Variants in RBMS3 observed in about 807,000 individuals in gnomAD.
RBMS3 encodes the protein RNA binding motif single stranded interacting protein 3.
RBMS3 carries 27 observed loss-of-function variants against 66.8 expected under a neutral mutation model. That is an observed-to-expected ratio of 0.40 (90% CI 0.30 to 0.56). The LOEUF is 0.56. Ranked by LOEUF, RBMS3 falls within the 20% of genes least tolerant of loss-of-function variation. The probability of loss-of-function intolerance (pLI) is 0.40; values close to 1 mark genes in which losing one functional copy is unlikely to be tolerated. For synonymous variants in RBMS3, 188 were observed against 183.0 expected (o/e 1.03, Z -0.22); for missense variants, 513 against 549.5 (o/e 0.93, Z 0.66).
chr3:29,777,921 T>A (rs2056483225), intron 6 of RBMS3, among the ~76,000 whole-genome samples: 1 of 151,900 alleles, frequency 6.6e-6, no homozygotes, highest in Admixed American at 6.6e-5. Flanking sequence ...TAGTGGCCTG[T>A]GCCACCAGGA....
intron 6 of RBMS3, among the ~76,000 whole-genome samples, chr3:29,816,683 A>AT (rs1422006983): frequency 1.3e-5 from 2 of 152,130 alleles, no homozygotes; most frequent in African/African-American, 4.8e-5. Context: ...ACATTTTTGC[A>AT]TAAAAAGTGA....
chr3:29,737,104 G>A (rs1334658946), intron 4 of RBMS3, among the ~76,000 whole-genome samples: 1 of 151,916 alleles, frequency 6.6e-6, no homozygotes, highest in Non-Finnish European at 1.5e-5. Flanking sequence ...AGCCTCCCGA[G>A]TAGCTGGGAC....
chr3:29,720,540 A>G (rs1256636045), intron 4 of RBMS3, among the ~76,000 whole-genome samples: 1 of 152,170 alleles, frequency 6.6e-6, no homozygotes, highest in Non-Finnish European at 1.5e-5. Context: ...GTTTATATAT[A>G]TAAACATATA....
At chr3:29,999,906 A>G (rs948567676) in intron 14 of RBMS3, among the ~76,000 whole-genome samples, 2 of 151,880 alleles carry the variant, frequency 1.3e-5, no homozygotes, top group Non-Finnish European at 2.9e-5. Context: ...CTTAAAGTAT[A>G]ATAATAATAA....
intron 1 of RBMS3, among the ~76,000 whole-genome samples, chr3:29,357,561 C>T (rs1357461105): frequency 6.6e-6 from 1 of 152,088 alleles, no homozygotes; most frequent in Non-Finnish European, 1.5e-5. Flanking sequence ...TGGGTATATA[C>T]CCAGTAATGG....
At chr3:29,752,021 T>G (rs1335592801) in intron 5 of RBMS3, among the ~76,000 whole-genome samples, 2 of 152,192 alleles carry the variant, frequency 1.3e-5, no homozygotes, top group Non-Finnish European at 2.9e-5. Flanking sequence ...GGAGTTAGTG[T>G]GACAGCCTCT....
chr3:29,748,915 G>A (rs1380039988), intron 5 of RBMS3, among the ~76,000 whole-genome samples: 1 of 152,180 alleles, frequency 6.6e-6, no homozygotes, highest in African/African-American at 2.4e-5. Flanking sequence ...AATTTTAAGT[G>A]TGCCTAAAGC....
chr3:29,819,516 A>T (rs1462268803), intron 6 of RBMS3, among the ~76,000 whole-genome samples: 1 of 152,210 alleles, frequency 6.6e-6, no homozygotes, highest in African/African-American at 2.4e-5. Context: ...TATTTTAGCA[A>T]ATTTTTAATT....
At chr3:29,588,775 G>T (rs2047622253) in intron 4 of RBMS3, among the ~76,000 whole-genome samples, 1 of 151,940 alleles carries the variant, frequency 6.6e-6, no homozygotes, top group East Asian at 1.9e-4. Context: ...TGGTTTAAAG[G>T]TTACTTGGCA....
chr3:29,310,307 G>A (rs868710520), intron 1 of RBMS3, among the ~76,000 whole-genome samples: 4 of 151,538 alleles, frequency 2.6e-5, no homozygotes, highest in Admixed American at 1.3e-4. Context: ...AAGCTGGGGG[G>A]GCCCGGATAA....
intron 10 of RBMS3, among the ~76,000 whole-genome samples, chr3:29,901,723 A>G (rs1267511550): frequency 6.6e-6 from 1 of 151,738 alleles, no homozygotes. Flanking sequence ...ATCACCTCCC[A>G]TGACTAAATT....
At chr3:29,733,495 A>C (rs2054224978) in intron 4 of RBMS3, among the ~76,000 whole-genome samples, 1 of 151,922 alleles carries the variant, frequency 6.6e-6, no homozygotes. Context: ...AGTGTATACG[A>C]GTTCCCTTTT....
At chr3:29,698,978 A>G (rs1359141690) in intron 4 of RBMS3, among the ~76,000 whole-genome samples, 1 of 152,166 alleles carries the variant, frequency 6.6e-6, no homozygotes, top group African/African-American at 2.4e-5. Flanking sequence ...AAATGTAAAC[A>G]TTTTCGACAA....
At chr3:29,775,039 C>T (rs1019374729) in intron 6 of RBMS3, among the ~76,000 whole-genome samples, 3 of 151,680 alleles carry the variant, frequency 2.0e-5, no homozygotes, top group East Asian at 3.9e-4. Flanking sequence ...AAAAAACAAA[C>T]ATAGAAAACA....
chr3:29,600,775 TTAGGGAAAAATGGTCA>T (rs1485949665), intron 4 of RBMS3, among the ~76,000 whole-genome samples: 1 of 152,036 alleles, frequency 6.6e-6, no homozygotes, highest in Non-Finnish European at 1.5e-5. Flanking sequence ...ATATTCAATC[TTAGGGAAAAATGGTCA>T]TAGTAAAAGT....
chr3:29,656,928 T>A (rs1576452759), intron 4 of RBMS3, among the ~76,000 whole-genome samples: 1 of 152,334 alleles, frequency 6.6e-6, no homozygotes, highest in East Asian at 1.9e-4. Context: ...ATATAATGAT[T>A]CAGGAAACCA....
intron 1 of RBMS3, among the ~76,000 whole-genome samples, chr3:29,415,196 G>A (rs2040431608): frequency 6.6e-6 from 1 of 152,102 alleles, no homozygotes; most frequent in Admixed American, 6.5e-5. Flanking sequence ...CAGTTCTGTT[G>A]GATGTTTAGA....
chr3:29,335,191 A>G (rs1287260429), intron 1 of RBMS3, among the ~76,000 whole-genome samples: 5 of 152,148 alleles, frequency 3.3e-5, no homozygotes, highest in African/African-American at 1.2e-4. Context: ...TTCCTACAAA[A>G]GACTATCCTA....
At chr3:29,835,353 A>G (rs1288512212) in intron 6 of RBMS3, among the ~76,000 whole-genome samples, 1 of 151,974 alleles carries the variant, frequency 6.6e-6, no homozygotes, top group Non-Finnish European at 1.5e-5. Context: ...AGCATACACA[A>G]AGCATTCTCC....
Sources: allele counts gnomAD v4.1 joint callset (sites outside exome capture counted in the v4.1 genomes callset), GRCh38; gene constraint gnomAD v4.1.1; transcripts MANE v1.5; gene names NCBI Gene and HGNC (gene_info 2026-07-23, HGNC 2026-07-21).